The following RELN variants were observed in gnomAD, a reference collection of about 807,000 sequenced individuals.
RELN encodes the protein reelin.
RELN carries 108 observed loss-of-function variants against 427.6 expected under a neutral mutation model. The observed-to-expected ratio is 0.25, with a 90% confidence interval of 0.22 to 0.30. The LOEUF (loss-of-function observed/expected upper bound fraction) is 0.30, where lower values mean the gene tolerates loss of function less well. Ranked by LOEUF, RELN falls within the 10% of genes least tolerant of loss-of-function variation. RELN has a pLI of 1.00. For missense variants in RELN, 3,715 were observed against 4,302.8 expected, an observed-to-expected ratio of 0.86 and a Z score of 3.82; for synonymous variants, 1,524 against 1,513.4, an observed-to-expected ratio of 1.01 and a Z score of -0.16.
intron 6 of RELN, among the ~76,000 whole-genome samples, chr7:103,728,686 A>G (rs1790275749): frequency 1.3e-5 from 2 of 152,196 alleles, no homozygotes. Flanking sequence ...AAAAACTTGT[A>G]TCTCTGAAAT....
chr7:103,837,831 C>T (rs1793446223), intron 2 of RELN, among the ~76,000 whole-genome samples: 1 of 152,086 alleles, frequency 6.6e-6, no homozygotes, highest in Admixed American at 6.6e-5. Flanking sequence ...TCTTTATATC[C>T]CAAGTGCCTG....
intron 2 of RELN, among the ~76,000 whole-genome samples, chr7:103,870,840 C>G (rs1259870679): frequency 6.6e-6 from 1 of 152,148 alleles, no homozygotes; most frequent in Non-Finnish European, 1.5e-5. Flanking sequence ...TATCCATCCA[C>G]AAAGACTTCT....
chr7:103,671,899 A>G (rs938626596), intron 11 of RELN, among the ~76,000 whole-genome samples: 1 of 152,198 alleles, frequency 6.6e-6, no homozygotes. Context: ...AACTCACTTA[A>G]TATAATGTTA....
At chr7:103,820,033 A>G (rs955331887) in intron 3 of RELN, among the ~76,000 whole-genome samples, 2 of 152,040 alleles carry the variant, frequency 1.3e-5, no homozygotes, top group African/African-American at 4.8e-5. Flanking sequence ...TTTACAAAAT[A>G]TACAATAATA....
At position 103,697,754 on chromosome 7, in the gene RELN, G is replaced by C. The variant is rs908368805; in HGVS notation, c.1143+99C>G. 61 of 1,543,308 alleles carry C rather than the reference G, an allele frequency of 4.0e-5. 1 individual carries two copies. The South Asian group carries it at 6.6e-4, about 17-fold the overall frequency. On this transcript the variant is annotated intron_variant, in intron 10 of 64. Coordinates refer to ENST00000428762, the MANE Select transcript of RELN (RefSeq NM_005045.4). Reference sequence around the variant, plus strand: ...TATCTGGTCCTTTAATAGTGGTTTTGGTAAAATAGCTATCTTTATACAATT... The same window carrying C: ...TATCTGGTCCTTTAATAGTGGTTTTCGTAAAATAGCTATCTTTATACAATT...
At chr7:103,847,596 A>C (rs1288223480) in intron 2 of RELN, among the ~76,000 whole-genome samples, 1 of 152,086 alleles carries the variant, frequency 6.6e-6, no homozygotes, top group Non-Finnish European at 1.5e-5. Context: ...CATGTAACTG[A>C]CAGATAGGTC....
chr7:103,679,364 C>G (rs761110340), intron 11 of RELN, among the ~76,000 whole-genome samples: 16 of 152,140 alleles, frequency 1.1e-4, no homozygotes, highest in Non-Finnish European at 1.9e-4. Context: ...ACAAATAAGC[C>G]CAAAGTGTGA....
intron 13 of RELN, 46 bp from the exon 14 acceptor site, chr7:103,652,805 T>G (rs1462350454): frequency 6.4e-7 from 1 of 1,559,894 alleles, no homozygotes; most frequent in Admixed American, 1.7e-5. Flanking sequence ...CTTTCTAGGC[T>G]AGTCCATGTA....
chr7:103,611,564 A>G (rs1284737149), intron 21 of RELN, 47 bp downstream of exon 21: 1 of 1,490,660 alleles, frequency 6.7e-7, no homozygotes, highest in African/African-American at 1.4e-5. Context: ...TTCCTAGGTA[A>G]AAGGCAGAAG....
intron 1 of RELN, among the ~76,000 whole-genome samples, chr7:103,920,582 T>A (rs1236931937): frequency 1.7e-5 from 1 of 57,384 alleles, no homozygotes; most frequent in Admixed American, 1.5e-4. Flanking sequence ...TTTTTTTGTT[T>A]TTTTTTTTTT....
intron 2 of RELN, among the ~76,000 whole-genome samples, chr7:103,836,564 GC>G (rs1278200430): frequency 2.0e-5 from 3 of 152,042 alleles, no homozygotes; most frequent in African/African-American, 2.4e-5. Context: ...AGCACTTCTT[GC>G]CCCCATGTCT....
intron 28 of RELN, among the ~76,000 whole-genome samples, chr7:103,585,596 G>C (rs988185585): frequency 1.3e-5 from 2 of 152,034 alleles, no homozygotes; most frequent in African/African-American, 4.8e-5. Context: ...AAAAACCCCA[G>C]TACAAGATGG....
At chr7:103,883,770 A>C (rs1794661837) in intron 2 of RELN, among the ~76,000 whole-genome samples, 1 of 152,210 alleles carries the variant, frequency 6.6e-6, no homozygotes, top group East Asian at 1.9e-4. Flanking sequence ...AACACTGCTC[A>C]AGGAATAAGA....
rs777954543 is a variant in RELN at position 103,604,414 on chromosome 7, G to T, written c.3078C>A (p.Ser1026Arg). 10 of 1,613,800 alleles carry T rather than the reference G, an allele frequency of 6.2e-6. No homozygotes were observed. Residue 1026 changes from serine to arginine, a missense_variant, in exon 23 of 65, where the codon AGC (serine) becomes AGA (arginine). Ser to Arg is a moderately radical substitution (Grantham distance 110). Transcript: ENST00000428762. Reference sequence around the variant, plus strand: ...TGGGGCACTGCTGCCCAATGTAAATGCTGTCCAAAGCCCACTCGTCTTGAG... The same window carrying T: ...TGGGGCACTGCTGCCCAATGTAAATTCTGTCCAAAGCCCACTCGTCTTGAG... ...YTAQDEWALD[S>R]IYIGQQCPNM...
intron 1 of RELN, among the ~76,000 whole-genome samples, chr7:103,930,694 TG>T (rs1054174761): frequency 6.6e-6 from 1 of 152,126 alleles, no homozygotes; most frequent in Non-Finnish European, 1.5e-5. Flanking sequence ...CTCTAACTCC[TG>T]GGCTCAAGCG....
chr7:103,671,364 C>A (rs1833389228), intron 11 of RELN, among the ~76,000 whole-genome samples: 1 of 152,040 alleles, frequency 6.6e-6, no homozygotes. Flanking sequence ...TTATGACATG[C>A]ATGTTTATTT....
At position 103,556,939 on chromosome 7, in the gene RELN, T is replaced by C. The variant is rs375496404; in HGVS notation, c.5797+38A>G. The C allele has an allele frequency of 1.4e-5, 21 of 1,514,886 alleles. No individual in the cohort carries two copies. In the African/African-American group the frequency reaches 2.5e-4, roughly 18 times the overall value. 93.8% of individuals were successfully genotyped at this position (1,514,886 alleles called of 1,614,324 possible). A position where few individuals can be genotyped will look rare whatever the true frequency, so the allele number is the denominator to read the frequency against. On this transcript the variant is annotated intron_variant, in intron 38 of 64. Coordinates refer to ENST00000428762, the MANE Select transcript of RELN (RefSeq NM_005045.4). ...AGAAACAAATGTGTTAACATGCCACTATCAGTTCTGATCACAGGAGAACAC... is the reference window on the plus strand; with the variant it reads ...AGAAACAAATGTGTTAACATGCCACCATCAGTTCTGATCACAGGAGAACAC...
At chr7:103,901,966 T>G (rs942534325) in intron 2 of RELN, among the ~76,000 whole-genome samples, 1 of 152,064 alleles carries the variant, frequency 6.6e-6, no homozygotes. Context: ...TTTTTTTATA[T>G]TGCAGTACTA....
At chr7:103,497,247 T>C (rs550828410) in intron 55 of RELN, among the ~76,000 whole-genome samples, 1 of 152,336 alleles carries the variant, frequency 6.6e-6, no homozygotes, top group Admixed American at 6.5e-5. Context: ...TAAAATACTT[T>C]AGGGTCATCT....
Sources: gnomAD v4.1 joint callset for allele counts (sites outside exome capture counted in the v4.1 genomes callset) on GRCh38, gnomAD v4.1.1 for gene constraint, MANE v1.5 for transcripts, NCBI Gene and HGNC (gene_info 2026-07-23, HGNC 2026-07-21) for gene names.